Variants in GALNT17 observed in about 807,000 individuals in gnomAD.
GALNT17 encodes the protein polypeptide N-acetylgalactosaminyltransferase 17, also known as UDP-GalNAc:polypeptide N-acetylgalactosaminyltransferase-like 3.
A neutral mutation model predicts 63.7 loss-of-function variants in GALNT17; 29 were observed. The ratio of observed to expected loss-of-function variants is 0.46; its 90% CI spans 0.34 to 0.62. GALNT17 has a LOEUF of 0.62. Ranked by LOEUF, GALNT17 falls within the 20% of genes least tolerant of loss-of-function variation. GALNT17 has a pLI of 0.01. For missense variants in GALNT17, 603 were observed against 799.6 expected (o/e 0.75, Z 2.97); for synonymous variants, 305 against 318.3 (o/e 0.96, Z 0.45).
At chr7:71,675,367 T>C (rs906627653) in intron 8 of GALNT17, among the ~76,000 whole-genome samples, 2 of 152,180 alleles carry the variant, frequency 1.3e-5, no homozygotes, top group African/African-American at 4.8e-5. Context: ...ATGATAGATT[T>C]GATTGCAGAA....
intron 5 of GALNT17, among the ~76,000 whole-genome samples, chr7:71,521,444 G>A (rs1788528791): frequency 6.6e-6 from 1 of 152,150 alleles, no homozygotes; most frequent in African/African-American, 2.4e-5. Context: ...CAAAAGATTT[G>A]CAGAACCTGC....
chr7:71,498,179 A>G lies in GALNT17; in HGVS notation c.963-73106A>G, dbSNP rs182763908. On this transcript the variant is annotated intron_variant, in intron 5 of 10. Coordinates refer to ENST00000333538, the MANE Select transcript of GALNT17 (RefSeq NM_022479.3). ...AATGAATTTGTTACTTTTGTGATAT[A>G]AAAGAGAGAAAGAGGGCTGGGCACA... is the stretch of plus-strand genomic sequence containing the variant. Among the ~76,000 whole-genome samples, 481 of 152,186 alleles carry G rather than the reference A, an allele frequency of 3.2e-3. 1 individual carries two copies. The highest frequency in any genetic ancestry group is 5.1e-3 in the Admixed American group (78 of 15,274).
intron 1 of GALNT17, among the ~76,000 whole-genome samples, chr7:71,311,201 G>GC (rs1791408998): frequency 6.6e-6 from 1 of 152,154 alleles, no homozygotes; most frequent in Admixed American, 6.5e-5. Context: ...TTCTCCCTTG[G>GC]CGAGGTTGGG....
At chr7:71,516,964 G>A (rs1788455222) in intron 5 of GALNT17, among the ~76,000 whole-genome samples, 1 of 152,140 alleles carries the variant, frequency 6.6e-6, no homozygotes, top group South Asian at 2.1e-4. Context: ...TGAGCCACCT[G>A]GGATAAATGT....
At chr7:71,690,190 A>G (rs562986266) in intron 9 of GALNT17, among the ~76,000 whole-genome samples, 1 of 152,016 alleles carries the variant, frequency 6.6e-6, no homozygotes, top group Non-Finnish European at 1.5e-5. Context: ...ACGCCCAGCT[A>G]ATTTTTCTAT....
chr7:71,307,089 G>C (rs1462849708), intron 1 of GALNT17, among the ~76,000 whole-genome samples: 1 of 152,126 alleles, frequency 6.6e-6, no homozygotes, highest in Non-Finnish European at 1.5e-5. Flanking sequence ...CTCCCAAAGT[G>C]CTGGGATGAC....
intron 2 of GALNT17, among the ~76,000 whole-genome samples, chr7:71,363,023 G>A (rs1159541923): frequency 2.6e-5 from 4 of 151,348 alleles, no homozygotes; most frequent in Non-Finnish European, 5.9e-5. Context: ...CTGGAGTGCC[G>A]TGGCCCGATC....
At chr7:71,643,801 G>A (rs756504340) in intron 6 of GALNT17, among the ~76,000 whole-genome samples, 15 of 152,144 alleles carry the variant, frequency 9.9e-5, no homozygotes, top group Non-Finnish European at 1.5e-4. Context: ...AGAACAAAGC[G>A]ACACCAGAAA....
chr7:71,642,503 A>G (rs1790618288), intron 6 of GALNT17, among the ~76,000 whole-genome samples: 1 of 152,186 alleles, frequency 6.6e-6, no homozygotes, highest in Non-Finnish European at 1.5e-5. Context: ...ATCCTTAGAG[A>G]TGAAATTCTT....
intron 5 of GALNT17, among the ~76,000 whole-genome samples, chr7:71,534,881 A>G (rs1788779550): frequency 6.6e-6 from 1 of 151,580 alleles, no homozygotes; most frequent in Non-Finnish European, 1.5e-5. Flanking sequence ...AAGTGCTACC[A>G]TCTCCCTTTC....
intron 6 of GALNT17, among the ~76,000 whole-genome samples, chr7:71,581,193 C>T (rs1373570276): frequency 1.3e-5 from 2 of 152,026 alleles, no homozygotes; most frequent in Non-Finnish European, 2.9e-5. Context: ...AGTCTCTCGC[C>T]CTGTCACCCA....
chr7:71,202,775 C>T (rs1489991564), intron 1 of GALNT17, among the ~76,000 whole-genome samples: 1 of 152,222 alleles, frequency 6.6e-6, no homozygotes, highest in Non-Finnish European at 1.5e-5. Context: ...AACCCCACGG[C>T]CACTGCCACC....
intron 1 of GALNT17, among the ~76,000 whole-genome samples, chr7:71,217,149 T>TG (rs1336905383): frequency 7.4e-5 from 11 of 149,018 alleles, no homozygotes; most frequent in Admixed American, 4.7e-4. Context: ...TGTTTTGTTT[T>TG]TTTTTTTTTT....
At chr7:71,643,695 C>T (rs570606408) in intron 6 of GALNT17, among the ~76,000 whole-genome samples, 2 of 152,294 alleles carry the variant, frequency 1.3e-5, no homozygotes, top group Non-Finnish European at 2.9e-5. Context: ...GAGCTGATTG[C>T]AGCAGCAGAA....
At chr7:71,312,599 G>T (rs748201709) in intron 1 of GALNT17, among the ~76,000 whole-genome samples, 1 of 152,130 alleles carries the variant, frequency 6.6e-6, no homozygotes, top group Non-Finnish European at 1.5e-5. Context: ...CTAAGGCCAT[G>T]CTCCTGGGTT....
intron 5 of GALNT17, among the ~76,000 whole-genome samples, chr7:71,561,045 C>T (rs528319986): frequency 6.6e-6 from 1 of 152,272 alleles, no homozygotes; most frequent in Admixed American, 6.5e-5. Flanking sequence ...CAGAGTCTCG[C>T]TCTGTCGGCC....
chr7:71,597,343 A>G (rs565194306), intron 6 of GALNT17, among the ~76,000 whole-genome samples: 13 of 151,968 alleles, frequency 8.6e-5, no homozygotes, highest in African/African-American at 3.1e-4. Context: ...CCGGCCTACA[A>G]AAAAGTTTTA....
At position 71,195,084 on chromosome 7, in the gene GALNT17, C is replaced by T. The variant is rs367844645; in HGVS notation, c.238+62044C>T. On this transcript the variant is annotated intron_variant, in intron 1 of 10. Transcript: ENST00000333538. ...TGCATGTATATTCTGTGTCTGCCAC[C>T]TGCTGATAACTTTACAGACATTACC... Among the ~76,000 whole-genome samples the T allele has an allele frequency of 5.9e-4, 90 of 152,340 alleles. 1 individual carries two copies. The East Asian group carries it at 0.016, about 27-fold the overall frequency.
intron 5 of GALNT17, among the ~76,000 whole-genome samples, chr7:71,429,066 T>G (rs1786813371): frequency 6.6e-6 from 1 of 152,236 alleles, no homozygotes; most frequent in Admixed American, 6.5e-5. Flanking sequence ...ATTCGGCTAA[T>G]CTGTTTGTCT....
Sources: gnomAD v4.1 joint callset for allele counts (sites outside exome capture counted in the v4.1 genomes callset) on GRCh38, gnomAD v4.1.1 for gene constraint, MANE v1.5 for transcripts, NCBI Gene and HGNC (gene_info 2026-07-23, HGNC 2026-07-21) for gene names.